Variants in NEDD4L observed in about 807,000 individuals in gnomAD.
NEDD4L encodes E3 ubiquitin-protein ligase NEDD4-like.
Under a neutral mutation model 148.9 loss-of-function variants are expected in NEDD4L, and 54 were observed. That is an observed-to-expected ratio of 0.36 (90% CI 0.29 to 0.45). The LOEUF is 0.45. Ranked by LOEUF, NEDD4L falls within the 20% of genes least tolerant of loss-of-function variation. The pLI, the probability that NEDD4L is intolerant of heterozygous loss-of-function variation, is 1.00. For missense variants in NEDD4L, 856 were observed against 1,233.8 expected (o/e 0.69, Z 4.59); for synonymous variants, 433 against 440.7 (o/e 0.98, Z 0.22).
At chr18:58,357,331 C>A in intron 19 of NEDD4L, 79 bp downstream of exon 19, 1 of 1,212,086 alleles carries the variant, frequency 8.3e-7, no homozygotes, top group Non-Finnish European at 1.2e-6. Flanking sequence ...TTACTGATAA[C>A]GGTGATGTCA....
chr18:58,203,627 T>C lies in NEDD4L; in HGVS notation c.122+37766T>C, dbSNP rs542731770. Among the ~76,000 whole-genome samples, 181 of 148,894 alleles carry C rather than the reference T, an allele frequency of 1.2e-3. 1 individual carries two copies. Among genetic ancestry groups the C allele is most frequent in the Middle Eastern group, 3.5e-3 (1 of 286 alleles). On this transcript the variant is annotated intron_variant, in intron 2 of 30. Coordinates refer to ENST00000400345, the MANE Select transcript of NEDD4L (RefSeq NM_001144967.3). Reference sequence around the variant, plus strand: ...GAAACAGATGATCTTTTTTTTTTTTTCTAAACTATGTTAGCTATACCCAAA... The same window carrying C: ...GAAACAGATGATCTTTTTTTTTTTTCCTAAACTATGTTAGCTATACCCAAA...
At chr18:58,347,251 A>G (rs1044779820) in intron 16 of NEDD4L, among the ~76,000 whole-genome samples, 7 of 100,066 alleles carry the variant, frequency 7.0e-5, no homozygotes, top group East Asian at 3.3e-4. Flanking sequence ...CCTTTTACCA[A>G]TAGGGCTGAT....
intron 10 of NEDD4L, 125 bp downstream of exon 10, chr18:58,329,252 C>T: frequency 8.9e-7 from 1 of 1,117,930 alleles, no homozygotes; most frequent in South Asian, 1.7e-5. Flanking sequence ...TACAGTGACG[C>T]AGGGAATTAA....
chr18:58,316,824 G>A (rs899790881), intron 6 of NEDD4L, among the ~76,000 whole-genome samples: 1 of 152,240 alleles, frequency 6.6e-6, no homozygotes, highest in African/African-American at 2.4e-5. Flanking sequence ...GCAGCACAAC[G>A]ACGTGATAGA....
At chr18:58,310,809 T>C (rs546397483) in intron 5 of NEDD4L, among the ~76,000 whole-genome samples, 3 of 152,246 alleles carry the variant, frequency 2.0e-5, no homozygotes, top group Admixed American at 6.5e-5. Context: ...GTGGCACAGC[T>C]GATGGGGTAG....
intron 2 of NEDD4L, among the ~76,000 whole-genome samples, chr18:58,219,465 G>A (rs1223643730): frequency 1.3e-5 from 2 of 152,150 alleles, no homozygotes; most frequent in Non-Finnish European, 2.9e-5. Context: ...TTGCCAGGGC[G>A]GTCGTAACAA....
At chr18:58,382,689 G>A (rs569163991) in intron 24 of NEDD4L, among the ~76,000 whole-genome samples, 2 of 152,162 alleles carry the variant, frequency 1.3e-5, no homozygotes, top group Non-Finnish European at 2.9e-5. Flanking sequence ...AAGGGAGGAA[G>A]CTTCAGGGCA....
rs78111250 is a variant in NEDD4L, at chr18:58,167,756, G to A, written c.122+1895G>A. Among the ~76,000 whole-genome samples, 64 of 152,188 alleles carry A rather than the reference G, an allele frequency of 4.2e-4. No homozygotes were observed. In the East Asian group the frequency reaches 9.5e-3, roughly 22 times the overall value. Reference sequence around the variant, plus strand: ...TTATCTTTTAAAAATGTAAACATTTGCATGCCAACCGGTAGTGGATTGTGC... The same window carrying A: ...TTATCTTTTAAAAATGTAAACATTTACATGCCAACCGGTAGTGGATTGTGC... On this transcript the variant is annotated intron_variant, in intron 2 of 30. Coordinates refer to ENST00000400345, the MANE Select transcript of NEDD4L (RefSeq NM_001144967.3).
At position 58,396,403 on chromosome 18, in the gene NEDD4L, C is replaced by T. The variant is rs975374402; in HGVS notation, c.*134C>T. On this transcript the variant is annotated 3_prime_UTR_variant, in exon 31 of 31. Transcript: ENST00000400345. Reference sequence around the variant, plus strand: ...GGTCCCTGGAGCCGAGCCTTCACCACGCACTCGTCCAAGTTCGGATGCGGG... The same window carrying T: ...GGTCCCTGGAGCCGAGCCTTCACCATGCACTCGTCCAAGTTCGGATGCGGG... 14 of 603,676 alleles carry T rather than the reference C, an allele frequency of 2.3e-5. No homozygotes were observed. The highest frequency in any genetic ancestry group is 4.0e-4 in the Middle Eastern group (1 of 2,488). 37.4% of individuals were successfully genotyped at this position (603,676 alleles called of 1,614,324 possible).
chr18:58,051,228 A>G (rs1209510780), intron 1 of NEDD4L, among the ~76,000 whole-genome samples: 1 of 152,206 alleles, frequency 6.6e-6, no homozygotes, highest in Non-Finnish European at 1.5e-5. Context: ...ACTGCACTCC[A>G]GCCTGGGTGA....
intron 1 of NEDD4L, among the ~76,000 whole-genome samples, chr18:58,143,161 T>C (rs559155931): frequency 1.3e-5 from 2 of 152,340 alleles, no homozygotes; most frequent in East Asian, 1.9e-4. Context: ...CTTGCATCAC[T>C]GGCATCACTT....
At chr18:58,219,699 C>T (rs756868685) in intron 2 of NEDD4L, among the ~76,000 whole-genome samples, 13 of 152,192 alleles carry the variant, frequency 8.5e-5, no homozygotes, top group Non-Finnish European at 1.8e-4. Flanking sequence ...ACCTACTAAC[C>T]TCATTTTAAC....
chr18:58,379,447 G>A (rs1225696503), intron 24 of NEDD4L, among the ~76,000 whole-genome samples: 2 of 152,218 alleles, frequency 1.3e-5, no homozygotes, highest in Non-Finnish European at 2.9e-5. Context: ...CTCCTGTGGT[G>A]GCAACAGCTG....
In NEDD4L at chr18:58,116,299, T is replaced by A. The variant is rs576116302; in HGVS notation, c.49-49489T>A. Among the ~76,000 whole-genome samples, 116 of 152,304 alleles carry A rather than the reference T, an allele frequency of 7.6e-4. 1 individual carries two copies. Among genetic ancestry groups the A allele is most frequent in the African/African-American group, 2.7e-3 (114 of 41,562 alleles). ...CATTTAATTTTATGGAAGTGGAAAA[T>A]CAGACTTATTAAAATACTGTGTTTT... is the stretch of plus-strand genomic sequence containing the variant. On this transcript the variant is annotated intron_variant, in intron 1 of 30. Coordinates refer to ENST00000400345, the MANE Select transcript of NEDD4L (RefSeq NM_001144967.3).
At chr18:58,111,406 A>G (rs2085410977) in intron 1 of NEDD4L, among the ~76,000 whole-genome samples, 2 of 152,202 alleles carry the variant, frequency 1.3e-5, no homozygotes, top group South Asian at 4.1e-4. Context: ...GGAAGCCTGT[A>G]CGATATAACC....
intron 11 of NEDD4L, among the ~76,000 whole-genome samples, chr18:58,332,715 C>T (rs1357413716): frequency 2.6e-5 from 4 of 152,162 alleles, no homozygotes; most frequent in African/African-American, 9.7e-5. Context: ...ACCACAGAGT[C>T]TTCTTGTACC....
intron 1 of NEDD4L, among the ~76,000 whole-genome samples, chr18:58,102,575 C>T (rs1256746513): frequency 6.6e-6 from 1 of 152,194 alleles, no homozygotes; most frequent in African/African-American, 2.4e-5. Context: ...GGTTCTCCCT[C>T]TGCAGATTCA....
Position 58,351,177 on chromosome 18 carries a change from C to T in NEDD4L, c.1708+132C>T, listed in dbSNP as rs571652630. 7.3e-6 allele frequency: 11 copies of T among 1,507,318 alleles called. No homozygotes were observed. The South Asian group carries it at 1.4e-4, about 19-fold the overall frequency. The allele number at this position is 1,507,318 out of a possible 1,614,324, so 93.4% of individuals were successfully genotyped here. On this transcript the variant is annotated intron_variant, in intron 18 of 30. Coordinates refer to ENST00000400345, the MANE Select transcript of NEDD4L (RefSeq NM_001144967.3). ...AGGTGTTATGTGGAGAAAATGATAC[C>T]AGAGAATCAGTGCCTTCATACGGTA...
chr18:58,117,954 A>AT (rs1444596545), intron 1 of NEDD4L, among the ~76,000 whole-genome samples: 1 of 152,110 alleles, frequency 6.6e-6, no homozygotes, highest in African/African-American at 2.4e-5. Context: ...CATTGCTTTC[A>AT]TTTTTTAGAA....
Sources: allele counts gnomAD v4.1 joint callset (sites outside exome capture counted in the v4.1 genomes callset), GRCh38; gene constraint gnomAD v4.1.1; transcripts MANE v1.5; gene names NCBI Gene and HGNC (gene_info 2026-07-23, HGNC 2026-07-21).